ANKHD1: variants seen among roughly 807,000 people sequenced by gnomAD.
ANKHD1 encodes the protein ankyrin repeat and KH domain-containing protein 1.
ANKHD1 carries 31 observed loss-of-function variants against 230.5 expected under a neutral mutation model. That is an observed-to-expected ratio of 0.13 (90% CI 0.10 to 0.18). The LOEUF is 0.18. ANKHD1 is among the 10% of genes least tolerant of loss of function. The probability of loss-of-function intolerance (pLI) is 1.00; values close to 1 mark genes in which losing one functional copy is unlikely to be tolerated. For missense variants in ANKHD1, 2,256 were observed against 3,071.3 expected (o/e 0.73, Z 6.27); for synonymous variants, 1,074 against 1,117.6 (o/e 0.96, Z 0.78).
intron 2 of ANKHD1, among the ~76,000 whole-genome samples, chr5:140,437,837 TG>T (rs1285610544): frequency 6.6e-6 from 1 of 152,270 alleles, no homozygotes; most frequent in East Asian, 1.9e-4. Flanking sequence ...GACATTGTTT[TG>T]TCAATTTCAT....
intron 1 of ANKHD1, among the ~76,000 whole-genome samples, chr5:140,403,594 A>G (rs1424805707): frequency 6.6e-6 from 1 of 152,036 alleles, no homozygotes; most frequent in Admixed American, 6.5e-5. Context: ...TGTATTTTTT[A>G]GTAAAGACAG....
intron 24 of ANKHD1, among the ~76,000 whole-genome samples, chr5:140,520,128 A>T (rs1376729347): frequency 6.6e-6 from 1 of 151,914 alleles, no homozygotes; most frequent in Non-Finnish European, 1.5e-5. Context: ...GGACATGAAC[A>T]GACACTTCTC....
intron 1 of ANKHD1, among the ~76,000 whole-genome samples, chr5:140,419,048 A>G (rs1771644917): frequency 6.6e-6 from 1 of 152,222 alleles, no homozygotes. Context: ...AATTCTCTGC[A>G]GCTGTACTAT....
intron 5 of ANKHD1, among the ~76,000 whole-genome samples, chr5:140,444,081 C>T (rs1388392621): frequency 6.7e-5 from 3 of 45,084 alleles, no homozygotes; most frequent in Non-Finnish European, 1.2e-4. Flanking sequence ...AGATGAAGTC[C>T]CCCCCCCCCT....
intron 1 of ANKHD1, among the ~76,000 whole-genome samples, chr5:140,433,149 A>G (rs2126903436): frequency 6.6e-6 from 1 of 151,846 alleles, no homozygotes; most frequent in South Asian, 2.1e-4. Context: ...GCTCACTGCA[A>G]CCTCTGCCTC....
At chr5:140,525,757 AC>A (rs1753575742) in intron 25 of ANKHD1, among the ~76,000 whole-genome samples, 1 of 151,698 alleles carries the variant, frequency 6.6e-6, no homozygotes. Context: ...AGTCCCAGCT[AC>A]CCAGGAGGCA....
At chr5:140,505,907 C>T in intron 18 of ANKHD1, 38 bp downstream of exon 18, 1 of 1,538,736 alleles carries the variant, frequency 6.5e-7, no homozygotes, top group South Asian at 1.3e-5. Flanking sequence ...AAATATTTTG[C>T]TTGTATTTTA....
In ANKHD1 at chr5:140,537,574, G is replaced by A; in HGVS notation, c.7213G>A (p.Val2405Ile). The A allele has an allele frequency of 1.9e-6, 3 of 1,588,144 alleles. No individual in the cohort carries two copies. The highest frequency in any genetic ancestry group is 2.6e-6 in the Non-Finnish European group (3 of 1,166,950). ...VGHSGIWSFG[V>I]NAVSEGLSGW... Reference sequence around the variant, plus strand: ...ACACAGTGGAATCTGGTCATTTGGTGTCAATGCTGTGTCAGGTACAATTGC... The same window carrying A: ...ACACAGTGGAATCTGGTCATTTGGTATCAATGCTGTGTCAGGTACAATTGC... Residue 2405 changes from valine (V) to isoleucine (I), a missense_variant, in exon 31 of 34, where the codon GTC becomes ATC. Transcript: ENST00000360839.
chr5:140,461,948 T>C (rs1775731227), intron 9 of ANKHD1, among the ~76,000 whole-genome samples: 1 of 152,130 alleles, frequency 6.6e-6, no homozygotes, highest in Admixed American at 6.5e-5. Context: ...TTAATCAATG[T>C]CTCTTAAGCC....
At chr5:140,504,739 A>T in intron 15 of ANKHD1, 82 bp from the exon 16 acceptor site, 1 of 1,530,936 alleles carries the variant, frequency 6.5e-7, no homozygotes, top group African/African-American at 1.4e-5. Flanking sequence ...CTGCTATGGA[A>T]ATTTCTGTTT....
At chr5:140,521,941 T>C (rs1192925639) in intron 24 of ANKHD1, among the ~76,000 whole-genome samples, 1 of 152,262 alleles carries the variant, frequency 6.6e-6, no homozygotes, top group East Asian at 1.9e-4. Context: ...ATCGTGCCAC[T>C]GCACTCCAGC....
In ANKHD1 at chr5:140,485,820, G is replaced by T. The variant is rs1183405149; in HGVS notation, c.2142+88G>T. ...TTTAAAATCAGTTTTAAGCAAAATG[G>T]ACTTGTTTTTATTCTCTGTTACATA... On this transcript the variant is annotated intron_variant, in intron 13 of 33. Transcript: ENST00000360839. The surrounding 1 kb of genome is among the most constrained non-coding windows in gnomAD (Gnocchi z 4.8). 6.5e-7 allele frequency: 1 copy of T among 1,543,856 alleles called. No homozygotes were observed.
At position 140,485,427 on chromosome 5, in the gene ANKHD1, C is replaced by CACACACACACACACAT. The variant is rs1554090723; in HGVS notation, c.1999-162_1999-161insACACACACACACACAT. Among the ~76,000 whole-genome samples the CACACACACACACACAT allele has an allele frequency of 6.8e-6, 1 of 146,550 alleles. No homozygotes were observed. Among genetic ancestry groups the CACACACACACACACAT allele is most frequent in the Non-Finnish European group, 1.5e-5 (1 of 65,424 alleles). On this transcript the variant is annotated intron_variant, in intron 12 of 33. Transcript: ENST00000360839. The surrounding 1 kb of genome is among the most constrained non-coding windows in gnomAD (Gnocchi z 4.8). ...ACACACACACACACACACACACACA[C>CACACACACACACACAT]GTATGTATGTGTATATATATATAAA...
chr5:140,439,482 C>G (rs945396148), intron 3 of ANKHD1, among the ~76,000 whole-genome samples: 51 of 152,060 alleles, frequency 3.4e-4, no homozygotes, highest in Non-Finnish European at 3.1e-4. Flanking sequence ...CCAGCCTGGA[C>G]AACATGGTGA....
chr5:140,423,054 C>G (rs1772127229), intron 1 of ANKHD1, among the ~76,000 whole-genome samples: 1 of 151,480 alleles, frequency 6.6e-6, no homozygotes, highest in Non-Finnish European at 1.5e-5. Flanking sequence ...AGCCACACTC[C>G]ACACTCAGCT....
chr5:140,539,540 T>G lies in ANKHD1; in HGVS notation c.*122T>G. 1.8e-6 allele frequency: 2 copies of G among 1,096,396 alleles called. No individual in the cohort carries two copies. The highest frequency in any genetic ancestry group is 2.6e-6 in the Non-Finnish European group (2 of 759,614). 67.9% of individuals were successfully genotyped at this position (1,096,396 alleles called of 1,614,324 possible). ...GAGGCTTTAGCAATGGAAATTTGAT[T>G]GCCCATTGTATAAGAACAAATTGAT... On this transcript the variant is annotated 3_prime_UTR_variant, in exon 34 of 34. Coordinates refer to ENST00000360839, the MANE Select transcript of ANKHD1 (RefSeq NM_017747.3).
chr5:140,422,259 A>G (rs1156918143), intron 1 of ANKHD1, among the ~76,000 whole-genome samples: 1 of 151,842 alleles, frequency 6.6e-6, no homozygotes, highest in Non-Finnish European at 1.5e-5. Context: ...AGTAGCTGGG[A>G]TTACAGGCGC....
Position 140,529,574 on chromosome 5 carries a change from T to C in ANKHD1, c.6628T>C (p.Phe2210Leu). ...ACCTACATTTGGCCCAGCCACACTT[T>C]TCAATCACTTCAGCAGTCTTTTTGA... ...LPPTFGPATL[F>L]NHFSSLFDSS... Residue 2210 changes from phenylalanine (F) to leucine (L), a missense_variant, in exon 29 of 34, where the codon TTC becomes CTC. Coordinates refer to ENST00000360839, the MANE Select transcript of ANKHD1 (RefSeq NM_017747.3). 1 of 1,614,214 alleles carries C rather than the reference T, an allele frequency of 6.2e-7. No individual in the cohort carries two copies.
chr5:140,493,012 G>T (rs1751876713), intron 14 of ANKHD1, among the ~76,000 whole-genome samples: 1 of 152,122 alleles, frequency 6.6e-6, no homozygotes, highest in Non-Finnish European at 1.5e-5. Context: ...AAAGTGAGAG[G>T]CAAAGGAATA....
Sources: gnomAD v4.1 joint callset for allele counts (sites outside exome capture counted in the v4.1 genomes callset) on GRCh38, gnomAD v4.1.1 for gene constraint, Gnocchi (gnomAD v3.1) non-coding constraint, MANE v1.5 for transcripts, NCBI Gene and HGNC (gene_info 2026-07-23, HGNC 2026-07-21) for gene names.